Variants in PTPRG observed in about 807,000 individuals in gnomAD.
The protein encoded by PTPRG is receptor-type tyrosine-protein phosphatase gamma.
In PTPRG, 102 loss-of-function variants were observed where a neutral mutation model predicts 165.3. The observed-to-expected ratio is 0.62, with a 90% CI of 0.53 to 0.73. PTPRG has a LOEUF of 0.73. Ranked by LOEUF, PTPRG falls within the 30% of genes least tolerant of loss-of-function variation. The pLI is 0.00. For synonymous variants in PTPRG, 675 were observed against 669.5 expected, an observed-to-expected ratio of 1.01 and a Z score of -0.13; for missense variants, 1,866 against 1,861.4, an observed-to-expected ratio of 1.00 and a Z score of -0.05.
chr3:61,853,295 A>G (rs2037016714), intron 2 of PTPRG, among the ~76,000 whole-genome samples: 1 of 152,206 alleles, frequency 6.6e-6, no homozygotes, highest in South Asian at 2.1e-4. Flanking sequence ...TTGTTAAACA[A>G]AGAGAGCTGG....
At chr3:62,141,683 T>C (rs1161213956) in intron 6 of PTPRG, among the ~76,000 whole-genome samples, 1 of 151,612 alleles carries the variant, frequency 6.6e-6, no homozygotes, top group African/African-American at 2.4e-5. Flanking sequence ...GTGGATCCCT[T>C]CAGGTCAGGA....
At chr3:61,869,688 C>A (rs568326070) in intron 2 of PTPRG, among the ~76,000 whole-genome samples, 6 of 152,118 alleles carry the variant, frequency 3.9e-5, no homozygotes, top group African/African-American at 1.4e-4. Flanking sequence ...AACTGATCTT[C>A]CCCCCTCAGC....
At chr3:61,833,407 T>A (rs1417179641) in intron 2 of PTPRG, among the ~76,000 whole-genome samples, 1 of 152,122 alleles carries the variant, frequency 6.6e-6, no homozygotes, top group Non-Finnish European at 1.5e-5. Context: ...TTTCAGAATG[T>A]CAGATCTTGC....
chr3:61,920,384 T>C (rs78770289), intron 2 of PTPRG, among the ~76,000 whole-genome samples: 1,621 of 152,298 alleles, frequency 0.011, 35 homozygotes, highest in South Asian at 0.093. Flanking sequence ...GAAGTAGATT[T>C]TTTTTAAGAC....
rs554362830 is a variant in PTPRG at position 62,248,219 on chromosome 3, C to T, written c.2467+4321C>T. ...ATAAAGGTAGTATCAATTATTTTAT[C>T]AGATAGATTTTGAATGGTTAGTGCC... On this transcript the variant is annotated intron_variant, in intron 15 of 29. Transcript: ENST00000474889. Among the ~76,000 whole-genome samples the T allele has an allele frequency of 2.0e-5, 3 of 152,224 alleles. No homozygotes were observed. The South Asian group carries it at 6.2e-4, about 32-fold the overall frequency.
intron 1 of PTPRG, among the ~76,000 whole-genome samples, chr3:61,669,629 C>T (rs1357574818): frequency 2.6e-5 from 4 of 152,186 alleles, no homozygotes; most frequent in Admixed American, 6.5e-5. Flanking sequence ...TTGATTTTTT[C>T]TTCTCCTTTG....
chr3:61,655,604 T>G (rs1188235086), intron 1 of PTPRG, among the ~76,000 whole-genome samples: 1 of 152,098 alleles, frequency 6.6e-6, no homozygotes. Context: ...TCTTTTACTT[T>G]GTATTTTTTT....
intron 6 of PTPRG, among the ~76,000 whole-genome samples, chr3:62,147,352 A>G (rs1704158807): frequency 6.6e-6 from 1 of 152,320 alleles, no homozygotes; most frequent in South Asian, 2.1e-4. Flanking sequence ...CCCTATGCAC[A>G]TCCTTTACTG....
rs1576009841 is a variant in PTPRG, at chr3:62,106,505, T to TC, written c.616-26097_616-26096insC. Among the ~76,000 whole-genome samples, 3 of 13,380 alleles carry TC rather than the reference T, an allele frequency of 2.2e-4. No individual in the cohort carries two copies. The East Asian group carries it at 9.2e-3, about 41-fold the overall frequency. 8.8% of individuals were successfully genotyped at this position (13,380 alleles called of 152,430 possible). The stretch of plus-strand genomic sequence containing the variant: ...GGTCCCCTGCAAACTCTTAAAGGCT[T>TC]TTTTTTTTTTTTTTTGGCTTGATCT... On this transcript the variant is annotated intron_variant, in intron 5 of 29. Transcript: ENST00000474889.
At chr3:61,909,223 TCAAA>T (rs1278572521) in intron 2 of PTPRG, among the ~76,000 whole-genome samples, 1 of 152,200 alleles carries the variant, frequency 6.6e-6, no homozygotes, top group Admixed American at 6.5e-5. Context: ...TTGTAAGAGG[TCAAA>T]CAAATGGTAC....
intron 23 of PTPRG, among the ~76,000 whole-genome samples, chr3:62,274,550 A>C (rs1467320155): frequency 6.6e-6 from 1 of 152,128 alleles, no homozygotes; most frequent in African/African-American, 2.4e-5. Context: ...TATTTTGCAC[A>C]TTGTTCTGTA....
At chr3:62,097,831 G>A (rs1475815607) in intron 5 of PTPRG, among the ~76,000 whole-genome samples, 2 of 152,086 alleles carry the variant, frequency 1.3e-5, no homozygotes, top group African/African-American at 4.8e-5. Context: ...ACATTATCTC[G>A]TGAAGCACTT....
intron 5 of PTPRG, among the ~76,000 whole-genome samples, chr3:62,131,089 C>G (rs1266510338): frequency 6.6e-6 from 1 of 152,148 alleles, no homozygotes; most frequent in African/African-American, 2.4e-5. Flanking sequence ...CATAGAGCAT[C>G]TAATGAGGGC....
chr3:62,043,905 T>G (rs907074217), intron 4 of PTPRG, among the ~76,000 whole-genome samples: 1 of 152,170 alleles, frequency 6.6e-6, no homozygotes, highest in Non-Finnish European at 1.5e-5. Flanking sequence ...CTTATCAATA[T>G]CATAGGGGCC....
chr3:61,975,071 T>TC (rs376719581), intron 2 of PTPRG, among the ~76,000 whole-genome samples: 1 of 151,962 alleles, frequency 6.6e-6, no homozygotes, highest in Admixed American at 6.5e-5. Context: ...ATAACCTTTC[T>TC]GGCTGCAATT....
At chr3:62,201,451 G>T in intron 10 of PTPRG, 54 bp from the exon 11 acceptor site, 1 of 1,416,242 alleles carries the variant, frequency 7.1e-7, no homozygotes, top group South Asian at 1.3e-5. Context: ...GGAATATCTT[G>T]TTAGAGCCAC....
chr3:61,599,236 G>A (rs1227970832), intron 1 of PTPRG, among the ~76,000 whole-genome samples: 4 of 151,948 alleles, frequency 2.6e-5, no homozygotes, highest in East Asian at 3.9e-4. Flanking sequence ...TGCAACCTCC[G>A]CCTCCCAGGT....
At chr3:61,622,703 T>C (rs1408840832) in intron 1 of PTPRG, among the ~76,000 whole-genome samples, 1 of 152,176 alleles carries the variant, frequency 6.6e-6, no homozygotes, top group Non-Finnish European at 1.5e-5. Context: ...GAATCTGTTT[T>C]CTGGTTTTGT....
chr3:62,046,193 A>G (rs762111441), intron 4 of PTPRG, among the ~76,000 whole-genome samples: 2 of 152,196 alleles, frequency 1.3e-5, no homozygotes, highest in Non-Finnish European at 2.9e-5. Flanking sequence ...CAAGAATGGA[A>G]TTGGAGGAAC....
Sources: allele counts gnomAD v4.1 joint callset (sites outside exome capture counted in the v4.1 genomes callset), GRCh38; gene constraint gnomAD v4.1.1; transcripts MANE v1.5; gene names NCBI Gene and HGNC (gene_info 2026-07-23, HGNC 2026-07-21).